ZNF273: variants seen among roughly 807,000 people sequenced by gnomAD.
The protein encoded by ZNF273 is zinc finger protein 273.
A neutral mutation model predicts 14.9 loss-of-function variants in ZNF273; 11 were observed. The observed-to-expected ratio is 0.74, with a 90% CI of 0.46 to 1.22. ZNF273 has a LOEUF of 1.22. Among genes scored for constraint, ZNF273 ranks in the 50% most tolerant of loss-of-function variants. The pLI is 0.00. For synonymous variants in ZNF273, 199 were observed against 223.9 expected, an observed-to-expected ratio of 0.89 and a Z score of 0.99; for missense variants, 577 against 660.6, an observed-to-expected ratio of 0.87 and a Z score of 1.39.
chr7:64,885,022 G>A (rs1242622658), intron 1 of ZNF273, among the ~76,000 whole-genome samples: 1 of 152,328 alleles, frequency 6.6e-6, no homozygotes, highest in Admixed American at 6.5e-5. Flanking sequence ...CGCCAGTCGC[G>A]GGACACCTGT....
At chr7:64,934,414 C>CT (rs1394353046), downstream of ZNF273, among the ~76,000 whole-genome samples, 1 of 151,940 alleles carries the variant, frequency 6.6e-6, no homozygotes, top group Non-Finnish European at 1.5e-5. Flanking sequence ...TGTAATGGGG[C>CT]TTTTACTCTA....
downstream of ZNF273, chr7:64,882,927 G>C (rs1450603853): frequency 2.6e-5 from 4 of 152,462 alleles, no homozygotes; most frequent in Non-Finnish European, 5.9e-5. Flanking sequence ...GTGTTTCTGC[G>C]GGAGTGTTGC....
At chr7:64,882,516 A>G (rs1451693801), downstream of ZNF273, 1 of 152,264 alleles carries the variant, frequency 6.6e-6, no homozygotes, top group Non-Finnish European at 1.5e-5. Flanking sequence ...GCGGGGCACA[A>G]GGCGCCAGCG....
At chr7:64,936,789 CTCT>C in the ZNF273 span, among the ~76,000 whole-genome samples, 3 of 152,122 alleles carry the variant, frequency 2.0e-5, no homozygotes, top group East Asian at 5.8e-4. Context: ...CAAATGAGTG[CTCT>C]TCATTGTCAT....
upstream of ZNF273, among the ~76,000 whole-genome samples, chr7:64,901,494 T>G (rs926306593): frequency 1.3e-5 from 2 of 152,232 alleles, no homozygotes; most frequent in Non-Finnish European, 2.9e-5. Flanking sequence ...GCTTATTAAA[T>G]GTAGCTCCAT....
intron 1 of ZNF273, among the ~76,000 whole-genome samples, chr7:64,909,800 A>G (rs901667116): frequency 6.6e-6 from 1 of 151,590 alleles, no homozygotes; most frequent in Non-Finnish European, 1.5e-5. Context: ...AACAGTGTAT[A>G]AGTATTCTTT....
At chr7:64,913,013 G>C (rs71562929) in intron 1 of ZNF273, among the ~76,000 whole-genome samples, 1 of 151,224 alleles carries the variant, frequency 6.6e-6, no homozygotes, top group African/African-American at 2.4e-5. Context: ...ATTTTTAGTA[G>C]AGATGAGGTT....
chr7:64,918,324 G>A (rs753422175), intron 3 of ZNF273, 32 bp downstream of exon 3: 1 of 1,513,196 alleles, frequency 6.6e-7, no homozygotes, highest in Non-Finnish European at 8.9e-7. Flanking sequence ...TATAACAGAT[G>A]ACACAGATGA....
chr7:64,929,069 C>T lies in ZNF273; in HGVS notation c.*31C>T, dbSNP rs756129895. On this transcript the variant is annotated 3_prime_UTR_variant, in exon 4 of 4. Transcript: ENST00000476120. Reference sequence around the variant, plus strand: ...TGAAGAATGTGACAAAGCCTTTAAGCGGTTGTCACACTTGATTGTATATAA... The same window carrying T: ...TGAAGAATGTGACAAAGCCTTTAAGTGGTTGTCACACTTGATTGTATATAA... 9.4e-6 allele frequency: 12 copies of T among 1,283,050 alleles called. No homozygotes were observed. In the Admixed American group the frequency reaches 1.4e-4, roughly 15 times the overall value. The allele number at this position is 1,283,050 out of a possible 1,614,324, so 79.5% of individuals were successfully genotyped here. A position where few individuals can be genotyped will look rare whatever the true frequency, so the allele number is the denominator to read the frequency against.
At chr7:64,926,465 CTT>C (rs1290172441) in intron 3 of ZNF273, among the ~76,000 whole-genome samples, 4 of 151,888 alleles carry the variant, frequency 2.6e-5, no homozygotes, top group African/African-American at 4.8e-5. Context: ...ATTTTTAACA[CTT>C]GTTTTTATCC....
Position 64,928,320 on chromosome 7 carries a change from C to T in ZNF273, c.992C>T (p.Ser331Leu). The T allele has an allele frequency of 6.2e-7, 1 of 1,613,606 alleles. No homozygotes were observed. Among genetic ancestry groups the T allele is most frequent in the Non-Finnish European group, 8.5e-7 (1 of 1,179,766 alleles). ...TGTGGCAAAGGCTTTAGTATATTCTCAACCCTTACTAAACATAAGATAATT... is the reference window on the plus strand; with the variant it reads ...TGTGGCAAAGGCTTTAGTATATTCTTAACCCTTACTAAACATAAGATAATT... The part of the protein sequence containing the change: ...EECGKGFSIF[S>L]TLTKHKIIHT... Residue 331 changes from serine (S) to leucine (L), a missense_variant, in exon 4 of 4, where the codon TCA becomes TTA. Ser to Leu is a moderately radical substitution (Grantham distance 145, BLOSUM62 -2). Around this residue, in one of 3 missense-constraint regions of ZNF273, gnomAD observed 411 missense variants for 440.4 expected, o/e 0.93. Coordinates refer to ENST00000476120, the MANE Select transcript of ZNF273 (RefSeq NM_021148.3).
chr7:64,915,103 A>G (rs1478459641), intron 1 of ZNF273, among the ~76,000 whole-genome samples: 1 of 152,132 alleles, frequency 6.6e-6, no homozygotes, highest in Non-Finnish European at 1.5e-5. Flanking sequence ...CATCTCTGAA[A>G]AATACTTCTT....
At chr7:64,910,576 G>A (rs1793422295) in intron 1 of ZNF273, among the ~76,000 whole-genome samples, 1 of 151,362 alleles carries the variant, frequency 6.6e-6, no homozygotes, top group East Asian at 1.9e-4. Context: ...ATGCTGCTTT[G>A]GTAACTGTAG....
chr7:64,893,665 GTCCCCCTCCCCACCCCTCCCC>G (rs1164095891), downstream of ZNF273: 2 of 97,956 alleles, frequency 2.0e-5, no homozygotes, highest in Non-Finnish European at 4.0e-5. Flanking sequence ...CCTCCCTCCC[GTCCCCCTCCCCACCCCTCCCC>G]TCCCCCTCCC....
At chr7:64,905,740 G>T (rs7809122) in intron 1 of ZNF273, among the ~76,000 whole-genome samples, 63,304 of 151,866 alleles carry the variant, frequency 0.42, 13,411 homozygotes, top group South Asian at 0.45. Context: ...AGCAGGATGG[G>T]GTGGGAGAAT....
At chr7:64,891,205 G>T (rs1377677579), downstream of ZNF273, among the ~76,000 whole-genome samples, 1 of 152,210 alleles carries the variant, frequency 6.6e-6, no homozygotes, top group Admixed American at 6.5e-5. Context: ...TCCGAGGCTG[G>T]ACAACTCTGG....
At chr7:64,916,922 C>A in intron 1 of ZNF273, 1 of 907,624 alleles carries the variant, frequency 1.1e-6, no homozygotes, top group Non-Finnish European at 1.4e-6. Flanking sequence ...CTTTATGCAG[C>A]TGATGTGCAT....
At chr7:64,917,045 A>G in intron 1 of ZNF273, 2 of 1,282,358 alleles carry the variant, frequency 1.6e-6, no homozygotes, top group Non-Finnish European at 2.0e-6. Context: ...AAAAACTGGG[A>G]AAATCACAGG....
At chr7:64,879,267 G>A (rs1352496219) in intron 2 of ZNF273, among the ~76,000 whole-genome samples, 1 of 152,192 alleles carries the variant, frequency 6.6e-6, no homozygotes, top group African/African-American at 2.4e-5. Flanking sequence ...TAGTGATCTC[G>A]TTGTGGGGAC....
Sources: allele counts gnomAD v4.1 joint callset (sites outside exome capture counted in the v4.1 genomes callset), GRCh38; gene constraint gnomAD v4.1.1; regional missense constraint gnomAD v4.1.1; transcripts MANE v1.5; gene names NCBI Gene and HGNC (gene_info 2026-07-23, HGNC 2026-07-21).